The following AGMO variants were observed in gnomAD, a reference collection of about 807,000 sequenced individuals.
AGMO encodes alkylglycerol monooxygenase.
AGMO carries 75 observed loss-of-function variants against 60.2 expected under a neutral mutation model. The ratio of observed to expected loss-of-function variants is 1.25; its 90% CI spans 1.03 to 1.51. AGMO has a LOEUF of 1.51. Among genes scored for constraint, AGMO ranks in the 40% most tolerant of loss-of-function variants. AGMO has a pLI of 0.00. For missense variants in AGMO, 763 were observed against 525.5 expected (o/e 1.45, Z -4.42); for synonymous variants, 261 against 177.1 (o/e 1.47, Z -3.76).
intron 3 of AGMO, among the ~76,000 whole-genome samples, chr7:15,435,688 G>A (rs1343592976): frequency 6.6e-6 from 1 of 151,862 alleles, no homozygotes; most frequent in African/African-American, 2.4e-5. Context: ...GTCATACAAA[G>A]AACAAAAGTT....
chr7:15,202,012 C>T (rs1053240274), intron 12 of AGMO, among the ~76,000 whole-genome samples: 5 of 152,102 alleles, frequency 3.3e-5, no homozygotes, highest in Non-Finnish European at 5.9e-5. Context: ...AAAGTAAACA[C>T]TTCCCTATGC....
chr7:15,450,450 T>A (rs1225340411), intron 3 of AGMO, among the ~76,000 whole-genome samples: 1 of 152,020 alleles, frequency 6.6e-6, no homozygotes, highest in Non-Finnish European at 1.5e-5. Context: ...AAATTTGTAT[T>A]TCAGTTAATT....
At chr7:15,184,543 AAAGG>A in the AGMO span, among the ~76,000 whole-genome samples, 1 of 59,788 alleles carries the variant, frequency 1.7e-5, no homozygotes, top group Non-Finnish European at 3.3e-5. Context: ...AGGGAGGTAA[AAAGG>A]AAGGAAGGAA....
chr7:15,250,395 TA>T (rs892853067), intron 12 of AGMO, among the ~76,000 whole-genome samples: 2 of 152,192 alleles, frequency 1.3e-5, no homozygotes, highest in African/African-American at 2.4e-5. Context: ...GTGTAATTAC[TA>T]AGATGAATAA....
intron 12 of AGMO, among the ~76,000 whole-genome samples, chr7:15,353,455 T>TTAG (rs1303090812): frequency 6.6e-6 from 1 of 152,202 alleles, no homozygotes; most frequent in African/African-American, 2.4e-5. Context: ...ATGTTTGCTC[T>TTAG]TAGTTGATCT....
At chr7:15,354,441 C>G (rs1421044282) in intron 12 of AGMO, among the ~76,000 whole-genome samples, 427 of 14,946 alleles carry the variant, frequency 0.029, 55 homozygotes, top group African/African-American at 0.12. Flanking sequence ...TGTGTGTATA[C>G]ACACGTGTGT....
chr7:15,556,110 C>T (rs1048563687), intron 2 of AGMO, among the ~76,000 whole-genome samples: 1 of 151,914 alleles, frequency 6.6e-6, no homozygotes, highest in Non-Finnish European at 1.5e-5. Context: ...TTTAGCCTCT[C>T]GTGCCAAGGC....
intron 12 of AGMO, among the ~76,000 whole-genome samples, chr7:15,248,432 G>A (rs1211885081): frequency 5.3e-5 from 8 of 151,650 alleles, no homozygotes; most frequent in Middle Eastern, 6.8e-3. Context: ...ACCAGAGATG[G>A]CAAGGACTTT....
chr7:15,441,150 T>C (rs1331792671), intron 3 of AGMO, among the ~76,000 whole-genome samples: 1 of 152,208 alleles, frequency 6.6e-6, no homozygotes, highest in Non-Finnish European at 1.5e-5. Flanking sequence ...TTTCCAGAAA[T>C]GTAACAGGCC....
At chr7:15,525,153 G>C (rs1449784958) in intron 3 of AGMO, among the ~76,000 whole-genome samples, 4 of 152,052 alleles carry the variant, frequency 2.6e-5, no homozygotes, top group Non-Finnish European at 5.9e-5. Flanking sequence ...TGTTAAAATA[G>C]AAGTCTTCAG....
chr7:15,318,771 G>T (rs907852403), intron 12 of AGMO, among the ~76,000 whole-genome samples: 2 of 151,786 alleles, frequency 1.3e-5, no homozygotes, highest in African/African-American at 4.8e-5. Flanking sequence ...TTTTTTCTTT[G>T]TTTTTATCAA....
chr7:15,354,427 CACGTGT>C (rs1230579927), intron 12 of AGMO, among the ~76,000 whole-genome samples: 6 of 24,044 alleles, frequency 2.5e-4, no homozygotes, highest in African/African-American at 1.2e-3. Flanking sequence ...TGTATACACA[CACGTGT>C]GTGTATACAC....
At chr7:15,272,794 G>A (rs1783656981) in intron 12 of AGMO, among the ~76,000 whole-genome samples, 1 of 152,046 alleles carries the variant, frequency 6.6e-6, no homozygotes, top group Admixed American at 6.6e-5. Flanking sequence ...AGCACCTGTT[G>A]TTTCCTGACT....
intron 5 of AGMO, among the ~76,000 whole-genome samples, chr7:15,417,000 G>A (rs536455564): frequency 6.6e-6 from 1 of 152,222 alleles, no homozygotes; most frequent in East Asian, 1.9e-4. Context: ...TCTACTATTT[G>A]TAAACAAACT....
chr7:15,240,922 G>A (rs1479709917), intron 12 of AGMO, among the ~76,000 whole-genome samples: 1 of 152,096 alleles, frequency 6.6e-6, no homozygotes, highest in Non-Finnish European at 1.5e-5. Context: ...TTAGGCTACA[G>A]GAATTGTAAA....
chr7:15,156,453 G>T, the AGMO span, among the ~76,000 whole-genome samples: 7 of 152,264 alleles, frequency 4.6e-5, no homozygotes, highest in East Asian at 1.4e-3. Flanking sequence ...AGAGCCTTGG[G>T]GCATGGGCAC....
At chr7:15,330,057 ATTTTC>A (rs771608627) in intron 12 of AGMO, among the ~76,000 whole-genome samples, 2 of 54,984 alleles carry the variant, frequency 3.6e-5, no homozygotes, top group African/African-American at 8.5e-5. Context: ...ATATAGAATT[ATTTTC>A]TTTTTTCTTT....
chr7:15,450,053 T>G (rs2128505211), intron 3 of AGMO, among the ~76,000 whole-genome samples: 1 of 152,354 alleles, frequency 6.6e-6, no homozygotes, highest in Non-Finnish European at 1.5e-5. Flanking sequence ...TGCAACTTGG[T>G]TATTTAAAAC....
chr7:15,321,846 A>G (rs1409843682), intron 12 of AGMO, among the ~76,000 whole-genome samples: 1 of 152,090 alleles, frequency 6.6e-6, no homozygotes, highest in African/African-American at 2.4e-5. Context: ...CGATTTTTCT[A>G]TACTTTAACC....
Sources: gnomAD v4.1 joint callset for allele counts (sites outside exome capture counted in the v4.1 genomes callset) on GRCh38, gnomAD v4.1.1 for gene constraint, MANE v1.5 for transcripts, NCBI Gene and HGNC (gene_info 2026-07-23, HGNC 2026-07-21) for gene names.